The following GPR137C variants were observed in gnomAD, a reference collection of about 807,000 sequenced individuals.
GPR137C encodes the protein integral membrane protein GPR137C.
In GPR137C, 27 loss-of-function variants were observed where a neutral mutation model predicts 43.4. The ratio of observed to expected loss-of-function variants is 0.62; its 90% CI spans 0.46 to 0.86. The LOEUF (loss-of-function observed/expected upper bound fraction) is 0.86, where lower values mean the gene tolerates loss of function less well. Ranked by LOEUF, GPR137C falls within the 40% of genes least tolerant of loss-of-function variation. The pLI is 0.00. For synonymous variants in GPR137C, 285 were observed against 226.9 expected, an observed-to-expected ratio of 1.26 and a Z score of -2.30; for missense variants, 522 against 534.6, an observed-to-expected ratio of 0.98 and a Z score of 0.23.
At chr14:52,556,420 TGAATG>T (rs1392003538) in intron 1 of GPR137C, among the ~76,000 whole-genome samples, 4 of 151,190 alleles carry the variant, frequency 2.6e-5, no homozygotes, top group African/African-American at 9.7e-5. Context: ...TGTCTACACT[TGAATG>T]GAATTGAGAT....
intron 1 of GPR137C, among the ~76,000 whole-genome samples, chr14:52,558,743 G>C (rs1255571543): frequency 2.6e-5 from 4 of 152,072 alleles, no homozygotes; most frequent in Non-Finnish European, 5.9e-5. Flanking sequence ...CAAAAAATTG[G>C]CACATTTGGA....
intron 1 of GPR137C, among the ~76,000 whole-genome samples, chr14:52,564,822 C>T (rs1477736580): frequency 6.6e-6 from 1 of 152,154 alleles, no homozygotes; most frequent in Non-Finnish European, 1.5e-5. Flanking sequence ...TTCTTGTTCA[C>T]CATATCCCAA....
chr14:52,609,886 T>C (rs1419297354), intron 3 of GPR137C, among the ~76,000 whole-genome samples: 2 of 152,206 alleles, frequency 1.3e-5, no homozygotes, highest in Non-Finnish European at 2.9e-5. Flanking sequence ...ACCTGGCCTT[T>C]GACTATTTTT....
Position 52,567,875 on chromosome 14 carries a change from G to A in GPR137C, c.444+14284G>A, listed in dbSNP as rs550304468. On this transcript the variant is annotated intron_variant, in intron 1 of 6. Transcript: ENST00000321662. The stretch of plus-strand genomic sequence containing the variant: ...GGGTTTCACCATGTTGGTCAGGCTG[G>A]TCTCGAACTTCTGACCTCGTGATCT... Among the ~76,000 whole-genome samples, 14 of 152,166 alleles carry A rather than the reference G, an allele frequency of 9.2e-5. No homozygotes were observed. The South Asian group carries it at 1.5e-3, about 16-fold the overall frequency.
intron 3 of GPR137C, among the ~76,000 whole-genome samples, chr14:52,606,679 T>A (rs2038986908): frequency 6.6e-6 from 1 of 152,188 alleles, no homozygotes; most frequent in Admixed American, 6.5e-5. Context: ...TAGTTTTAAT[T>A]ATTTGAGTCT....
At chr14:52,563,019 C>T (rs953718618) in intron 1 of GPR137C, among the ~76,000 whole-genome samples, 1 of 152,190 alleles carries the variant, frequency 6.6e-6, no homozygotes, top group Admixed American at 6.5e-5. Flanking sequence ...GCCTTCCCCC[C>T]ATCAGTCTAC....
chr14:52,560,124 T>C (rs1416535508), intron 1 of GPR137C, among the ~76,000 whole-genome samples: 1 of 152,134 alleles, frequency 6.6e-6, no homozygotes, highest in Non-Finnish European at 1.5e-5. Context: ...ACCACTGCAC[T>C]CCAGCTTGGG....
chr14:52,617,260 C>A (rs2139561767), intron 3 of GPR137C, among the ~76,000 whole-genome samples: 1 of 152,174 alleles, frequency 6.6e-6, no homozygotes, highest in African/African-American at 2.4e-5. Context: ...GCTTCAAATT[C>A]TCTTGTGCAG....
At chr14:52,559,784 G>T (rs1438626496) in intron 1 of GPR137C, among the ~76,000 whole-genome samples, 1 of 152,190 alleles carries the variant, frequency 6.6e-6, no homozygotes, top group Non-Finnish European at 1.5e-5. Context: ...CTAATCTACA[G>T]ATAGCTACAG....
intron 3 of GPR137C, among the ~76,000 whole-genome samples, chr14:52,609,864 A>G (rs1021118371): frequency 2.6e-5 from 4 of 152,210 alleles, no homozygotes; most frequent in African/African-American, 7.2e-5. Context: ...TATGACTTCA[A>G]TGGCATGTAA....
intron 1 of GPR137C, among the ~76,000 whole-genome samples, chr14:52,577,141 C>T (rs536835876): frequency 3.3e-4 from 41 of 122,552 alleles, no homozygotes; most frequent in Non-Finnish European, 5.5e-4. Context: ...AAGCCAAATT[C>T]GTGCCACTGC....
intron 1 of GPR137C, among the ~76,000 whole-genome samples, chr14:52,575,484 A>T (rs1362274999): frequency 6.6e-6 from 1 of 152,228 alleles, no homozygotes; most frequent in Non-Finnish European, 1.5e-5. Flanking sequence ...CACAAAGTGG[A>T]GATGTTAAAC....
At position 52,568,897 on chromosome 14, in the gene GPR137C, G is replaced by T. The variant is rs79424319; in HGVS notation, c.444+15306G>T. ...GCAGACTTAAACATTACTGCCTGCC[G>T]GCTCTTAAGAGAGCAGCGGATCTCC... On this transcript the variant is annotated intron_variant, in intron 1 of 6. Coordinates refer to ENST00000321662, the MANE Select transcript of GPR137C (RefSeq NM_001099652.2). 4.8e-3 allele frequency among the ~76,000 whole-genome samples: 738 copies of T among 152,320 alleles called. 14 individuals carry two copies. Among genetic ancestry groups the T allele is most frequent in the Admixed American group, 0.039 (598 of 15,302 alleles).
chr14:52,627,108 T>C (rs1303503513), intron 3 of GPR137C, among the ~76,000 whole-genome samples: 1 of 152,108 alleles, frequency 6.6e-6, no homozygotes, highest in Non-Finnish European at 1.5e-5. Context: ...AAAAAGGAAA[T>C]TGGGCTGGAG....
At position 52,613,607 on chromosome 14, in the gene GPR137C, T is replaced by C. The variant is rs534689676; in HGVS notation, c.717+13266T>C. 61 of 192,534 alleles carry C rather than the reference T, an allele frequency of 3.2e-4. 1 individual carries two copies. The South Asian group carries it at 4.6e-3, about 14-fold the overall frequency. The allele number at this position is 192,534 out of a possible 1,614,324, so 11.9% of individuals were successfully genotyped here. On this transcript the variant is annotated intron_variant, in intron 3 of 6. Transcript: ENST00000321662. ...AACAAATAAGTGAGAACATGCGATG[T>C]TTGTCTTTCTGTGCCTGGCATATTT... is the stretch of plus-strand genomic sequence containing the variant.
intron 1 of GPR137C, among the ~76,000 whole-genome samples, chr14:52,557,873 C>T (rs935567059): frequency 6.6e-6 from 1 of 152,184 alleles, no homozygotes; most frequent in Non-Finnish European, 1.5e-5. Context: ...GGATACATCA[C>T]TTCTTTAATA....
At chr14:52,627,850 A>G (rs1051693422) in intron 3 of GPR137C, among the ~76,000 whole-genome samples, 3 of 152,160 alleles carry the variant, frequency 2.0e-5, no homozygotes, top group Non-Finnish European at 2.9e-5. Context: ...CTCAAAAAAT[A>G]TATGTATATT....
intron 1 of GPR137C, among the ~76,000 whole-genome samples, chr14:52,570,871 C>T (rs1269935291): frequency 1.3e-5 from 2 of 152,154 alleles, no homozygotes; most frequent in African/African-American, 4.8e-5. Context: ...GAGACTTAGA[C>T]TCCCACACAA....
intron 6 of GPR137C, 37 bp from the exon 7 acceptor site, chr14:52,634,901 A>C: frequency 6.3e-7 from 1 of 1,594,400 alleles, no homozygotes; most frequent in Non-Finnish European, 8.6e-7. Context: ...TATCCTGATC[A>C]TAGTCCTATG....
Sources: gnomAD v4.1 joint callset for allele counts (sites outside exome capture counted in the v4.1 genomes callset) on GRCh38, gnomAD v4.1.1 for gene constraint, MANE v1.5 for transcripts, NCBI Gene and HGNC (gene_info 2026-07-23, HGNC 2026-07-21) for gene names.